The following SDK1 variants were observed in gnomAD, a reference collection of about 807,000 sequenced individuals.
SDK1 encodes the protein protein sidekick-1.
Under a neutral mutation model 245.5 loss-of-function variants are expected in SDK1, and 157 were observed. The ratio of observed to expected loss-of-function variants is 0.64; its 90% CI spans 0.56 to 0.73. The LOEUF (loss-of-function observed/expected upper bound fraction) is 0.73. Ranked by LOEUF, SDK1 falls within the 30% of genes least tolerant of loss-of-function variation. SDK1 has a pLI of 0.00. For synonymous variants in SDK1, 1,647 were observed against 1,278.5 expected (o/e 1.29, Z -6.15); for missense variants, 3,583 against 3,002.3 (o/e 1.19, Z -4.52).
At chr7:3,399,423 C>G (rs1778821527) in intron 1 of SDK1, among the ~76,000 whole-genome samples, 1 of 152,124 alleles carries the variant, frequency 6.6e-6, no homozygotes, top group African/African-American at 2.4e-5. Context: ...AACATCTAGG[C>G]TTCATCAGGG....
At chr7:3,866,483 G>T (rs114055944) in intron 5 of SDK1, among the ~76,000 whole-genome samples, 1 of 152,156 alleles carries the variant, frequency 6.6e-6, no homozygotes, top group African/African-American at 2.4e-5. Flanking sequence ...AGGAAGGCGG[G>T]ACTTTTTTGT....
At chr7:3,362,802 T>A (rs1042179148) in intron 1 of SDK1, among the ~76,000 whole-genome samples, 1 of 152,220 alleles carries the variant, frequency 6.6e-6, no homozygotes, top group Non-Finnish European at 1.5e-5. Flanking sequence ...TTTATACTTT[T>A]ATAGTTTTCC....
At chr7:3,584,677 G>A (rs773839620) in intron 1 of SDK1, among the ~76,000 whole-genome samples, 5 of 151,984 alleles carry the variant, frequency 3.3e-5, no homozygotes, top group Non-Finnish European at 5.9e-5. Flanking sequence ...GTGAGCTGGT[G>A]TGTTTTTGGG....
intron 4 of SDK1, among the ~76,000 whole-genome samples, chr7:3,754,915 G>A (rs568465824): frequency 6.6e-6 from 1 of 152,282 alleles, no homozygotes; most frequent in Admixed American, 6.5e-5. Context: ...ATGTTCGTTT[G>A]TTACGCCTGG....
At chr7:3,653,429 GC>G (rs1288833743) in intron 4 of SDK1, among the ~76,000 whole-genome samples, 1 of 152,120 alleles carries the variant, frequency 6.6e-6, no homozygotes, top group Non-Finnish European at 1.5e-5. Flanking sequence ...GAGGATGGGG[GC>G]CAAGATTGCA....
At chr7:4,091,256 A>G (rs952810614) in intron 22 of SDK1, among the ~76,000 whole-genome samples, 5 of 151,748 alleles carry the variant, frequency 3.3e-5, no homozygotes, top group Non-Finnish European at 7.4e-5. Flanking sequence ...TACAAAGGCA[A>G]TGATCCTTAC....
At chr7:3,432,673 C>A (rs1255310147) in intron 1 of SDK1, among the ~76,000 whole-genome samples, 1 of 152,126 alleles carries the variant, frequency 6.6e-6, no homozygotes, top group Admixed American at 6.5e-5. Context: ...TTGCTGTCTT[C>A]CCAGTGTAGA....
intron 1 of SDK1, among the ~76,000 whole-genome samples, chr7:3,576,839 G>C (rs1780308976): frequency 6.6e-6 from 1 of 152,048 alleles, no homozygotes; most frequent in Admixed American, 6.5e-5. Context: ...ACAGTGCATA[G>C]TCTCTGCAAA....
intron 40 of SDK1, among the ~76,000 whole-genome samples, chr7:4,231,568 G>A (rs1341168524): frequency 7.1e-6 from 1 of 141,652 alleles, no homozygotes; most frequent in African/African-American, 2.6e-5. Context: ...AGGAGGGCCC[G>A]GTCTCAAAAA....
chr7:4,192,680 G>A (rs1006221312), intron 35 of SDK1, among the ~76,000 whole-genome samples: 1 of 152,066 alleles, frequency 6.6e-6, no homozygotes, highest in African/African-American at 2.4e-5. Context: ...TATGCACTGG[G>A]AAGTCAAAAC....
chr7:4,162,006 C>A, intron 32 of SDK1, 150 bp downstream of exon 32: 1 of 612,086 alleles, frequency 1.6e-6, no homozygotes, highest in South Asian at 2.1e-5. Context: ...GACTCAAAAA[C>A]GCGAGGGGGA....
At chr7:3,547,043 C>T (rs1779246558) in intron 1 of SDK1, among the ~76,000 whole-genome samples, 1 of 152,100 alleles carries the variant, frequency 6.6e-6, no homozygotes, top group South Asian at 2.1e-4. Context: ...AAATGTAGCT[C>T]ATACATAGTT....
intron 5 of SDK1, among the ~76,000 whole-genome samples, chr7:3,839,849 A>T (rs1780114929): frequency 6.6e-6 from 1 of 152,240 alleles, no homozygotes; most frequent in East Asian, 1.9e-4. Context: ...AGGAAATTTT[A>T]AAAATTATTG....
intron 20 of SDK1, among the ~76,000 whole-genome samples, chr7:4,074,916 ATTTTTTTT>A (rs55899344): frequency 4.6e-5 from 3 of 64,628 alleles, no homozygotes; most frequent in South Asian, 1.2e-3. Context: ...ATATATATAT[ATTTTTTTT>A]TTTTTTTAAT....
At chr7:3,390,765 C>T (rs1781730462) in intron 1 of SDK1, among the ~76,000 whole-genome samples, 1 of 152,118 alleles carries the variant, frequency 6.6e-6, no homozygotes, top group African/African-American at 2.4e-5. Flanking sequence ...TCCCTTTGAG[C>T]CCTCAGGAAG....
At chr7:3,931,241 CCAAA>C (rs1349581431) in intron 5 of SDK1, among the ~76,000 whole-genome samples, 1 of 152,136 alleles carries the variant, frequency 6.6e-6, no homozygotes, top group African/African-American at 2.4e-5. Flanking sequence ...AAATTCACAA[CCAAA>C]CACTTAAAAG....
chr7:3,779,005 C>A (rs1464214211), intron 4 of SDK1, among the ~76,000 whole-genome samples: 1 of 152,158 alleles, frequency 6.6e-6, no homozygotes, highest in Non-Finnish European at 1.5e-5. Flanking sequence ...GCTTTTATTG[C>A]ATGACACTTT....
chr7:3,439,171 C>T (rs957087812), intron 1 of SDK1, among the ~76,000 whole-genome samples: 1 of 152,108 alleles, frequency 6.6e-6, no homozygotes, highest in African/African-American at 2.4e-5. Flanking sequence ...TATTAATTAT[C>T]CAACATCTCA....
chr7:3,744,995 A>C (rs1417244073), intron 4 of SDK1, among the ~76,000 whole-genome samples: 3 of 152,196 alleles, frequency 2.0e-5, no homozygotes, highest in South Asian at 2.1e-4. Flanking sequence ...ATGAGAAAAA[A>C]GTAGCAGGTA....
Sources: allele counts gnomAD v4.1 joint callset (sites outside exome capture counted in the v4.1 genomes callset), GRCh38; gene constraint gnomAD v4.1.1; transcripts MANE v1.5; gene names NCBI Gene and HGNC (gene_info 2026-07-23, HGNC 2026-07-21).